FHL2: variants seen among roughly 807,000 people sequenced by gnomAD.
FHL2 encodes four and a half LIM domains 2.
A neutral mutation model predicts 32.7 loss-of-function variants in FHL2; 20 were observed. The ratio of observed to expected loss-of-function variants is 0.61; its 90% CI spans 0.43 to 0.89. The LOEUF is 0.89. Ranked by LOEUF, FHL2 falls within the 40% of genes least tolerant of loss-of-function variation. The pLI is 0.00. For missense variants in FHL2, 311 were observed against 358.6 expected (o/e 0.87, Z 1.07); for synonymous variants, 123 against 128.1 (o/e 0.96, Z 0.27).
upstream of FHL2, chr2:105,399,532 CCACA>C (rs1360956256): frequency 1.4e-5 from 22 of 1,536,038 alleles, no homozygotes; most frequent in East Asian, 4.9e-4. Flanking sequence ...GAAATGAACA[CCACA>C]GATGACCATA....
intron 4 of FHL2, among the ~76,000 whole-genome samples, chr2:105,370,154 C>G (rs535328897): frequency 3.9e-5 from 6 of 152,198 alleles, no homozygotes; most frequent in Admixed American, 3.9e-4. Context: ...CGGGAGATCT[C>G]TTGAGCCCAG....
At chr2:105,394,776 G>A (rs1273771385) in intron 2 of FHL2, among the ~76,000 whole-genome samples, 1 of 152,056 alleles carries the variant, frequency 6.6e-6, no homozygotes. Context: ...TTTACTAAAT[G>A]CATGTACAGA....
At chr2:105,438,008 G>A (rs1169400429) in intron 1 of FHL2, among the ~76,000 whole-genome samples, 1 of 152,154 alleles carries the variant, frequency 6.6e-6, no homozygotes, top group Non-Finnish European at 1.5e-5. Context: ...CCTTTCCAAT[G>A]TTTATTTTAT....
upstream of FHL2, chr2:105,399,190 C>T: frequency 7.0e-7 from 1 of 1,422,160 alleles, no homozygotes; most frequent in Non-Finnish European, 9.1e-7. Flanking sequence ...TGCCGTGCCC[C>T]CGCCCCGGGC....
At chr2:105,395,397 T>C (rs1355443940) in intron 2 of FHL2, among the ~76,000 whole-genome samples, 1 of 152,208 alleles carries the variant, frequency 6.6e-6, no homozygotes, top group Non-Finnish European at 1.5e-5. Flanking sequence ...CTCTTCTTCA[T>C]GGCAGGGGTC....
At chr2:105,394,201 G>T (rs946508622) in intron 2 of FHL2, among the ~76,000 whole-genome samples, 1 of 152,062 alleles carries the variant, frequency 6.6e-6, no homozygotes, top group South Asian at 2.1e-4. Flanking sequence ...TAGCTAAACG[G>T]GTTGTTTTAA....
chr2:105,367,879 AT>A, intron 4 of FHL2, 140 bp from the exon 5 acceptor site: 1 of 748,738 alleles, frequency 1.3e-6, no homozygotes. Context: ...TCGCCTCTAC[AT>A]GGAGGTAATT....
At chr2:105,397,745 AATCCAGT>A (rs1683237343) in intron 1 of FHL2, among the ~76,000 whole-genome samples, 1 of 152,228 alleles carries the variant, frequency 6.6e-6, no homozygotes, top group East Asian at 1.9e-4. Context: ...GGGTGATCTA[AATCCAGT>A]AACACTTGAC....
At chr2:105,390,618 C>T (rs571650180) in intron 2 of FHL2, among the ~76,000 whole-genome samples, 1 of 152,178 alleles carries the variant, frequency 6.6e-6, no homozygotes, top group African/African-American at 2.4e-5. Context: ...AGGAGCACAG[C>T]AGGATGCACT....
At chr2:105,395,358 T>A (rs1230008220) in intron 2 of FHL2, among the ~76,000 whole-genome samples, 1 of 152,162 alleles carries the variant, frequency 6.6e-6, no homozygotes, top group Non-Finnish European at 1.5e-5. Context: ...TTACGAACAC[T>A]TCTACACCTA....
intron 1 of FHL2, among the ~76,000 whole-genome samples, chr2:105,431,194 T>C (rs948310376): frequency 1.3e-5 from 2 of 152,288 alleles, no homozygotes; most frequent in East Asian, 3.9e-4. Context: ...ATTCACAACT[T>C]CATCGTTCAA....
At chr2:105,435,782 A>G (rs1416929942) in intron 1 of FHL2, among the ~76,000 whole-genome samples, 5 of 152,214 alleles carry the variant, frequency 3.3e-5, no homozygotes, top group African/African-American at 4.8e-5. Context: ...AGATTGTGCC[A>G]CTGCACTCCA....
intron 6 of FHL2, among the ~76,000 whole-genome samples, chr2:105,361,805 T>G (rs541669874): frequency 6.6e-6 from 1 of 152,312 alleles, no homozygotes; most frequent in East Asian, 1.9e-4. Flanking sequence ...TTTTTATGAC[T>G]TAATGATTGA....
chr2:105,421,463 C>T (rs1684101550), intron 1 of FHL2, among the ~76,000 whole-genome samples: 2 of 152,212 alleles, frequency 1.3e-5, no homozygotes, highest in South Asian at 4.1e-4. Flanking sequence ...AAGACAAACA[C>T]TATTCTCTTA....
At chr2:105,383,353 C>T (rs1682040025) in intron 3 of FHL2, among the ~76,000 whole-genome samples, 1 of 152,220 alleles carries the variant, frequency 6.6e-6, no homozygotes. Context: ...TTAGCATTGT[C>T]TATTCTCCAC....
At chr2:105,431,965 T>C (rs1362280470) in intron 1 of FHL2, among the ~76,000 whole-genome samples, 1 of 152,224 alleles carries the variant, frequency 6.6e-6, no homozygotes, top group Admixed American at 6.5e-5. Flanking sequence ...CTGCTGTTAA[T>C]AAAAGTAGCT....
intron 4 of FHL2, among the ~76,000 whole-genome samples, chr2:105,369,899 G>A (rs1426226621): frequency 6.6e-6 from 1 of 152,200 alleles, no homozygotes; most frequent in South Asian, 2.1e-4. Context: ...GGAGCCTCAG[G>A]GACATGGCGC....
chr2:105,437,293 A>G (rs1043743025), intron 1 of FHL2, among the ~76,000 whole-genome samples: 10 of 152,170 alleles, frequency 6.6e-5, no homozygotes, highest in Non-Finnish European at 1.3e-4. Context: ...TCAACACATA[A>G]TAGACCTTAT....
intron 3 of FHL2, among the ~76,000 whole-genome samples, chr2:105,380,440 G>C (rs1354932788): frequency 6.6e-6 from 1 of 152,098 alleles, no homozygotes; most frequent in African/African-American, 2.4e-5. Flanking sequence ...TATTGCCCAG[G>C]CTGGTCTCAA....
Sources: gnomAD v4.1 joint callset for allele counts (sites outside exome capture counted in the v4.1 genomes callset) on GRCh38, gnomAD v4.1.1 for gene constraint, MANE v1.5 for transcripts, NCBI Gene and HGNC (gene_info 2026-07-23, HGNC 2026-07-21) for gene names.